CCSER1: variants seen among roughly 807,000 people sequenced by gnomAD.
CCSER1 encodes the protein coiled-coil serine rich protein 1.
A neutral mutation model predicts 82.0 loss-of-function variants in CCSER1; 41 were observed. The ratio of observed to expected loss-of-function variants is 0.50; its 90% CI spans 0.39 to 0.65. The LOEUF (loss-of-function observed/expected upper bound fraction) is 0.65. Ranked by LOEUF, CCSER1 falls within the 30% of genes least tolerant of loss-of-function variation. CCSER1 has a pLI of 0.00. For missense variants in CCSER1, 1,119 were observed against 1,064.2 expected (o/e 1.05, Z -0.72); for synonymous variants, 414 against 383.9 (o/e 1.08, Z -0.92).
At chr4:91,366,726 C>T (rs1749641266) in intron 10 of CCSER1, among the ~76,000 whole-genome samples, 1 of 152,154 alleles carries the variant, frequency 6.6e-6, no homozygotes, top group East Asian at 1.9e-4. Context: ...CTTGCATTTG[C>T]ATGTCCTTTC....
chr4:91,059,098 T>C (rs1187557761), intron 9 of CCSER1, among the ~76,000 whole-genome samples: 2 of 152,016 alleles, frequency 1.3e-5, no homozygotes, highest in African/African-American at 2.4e-5. Flanking sequence ...TGAAAGAATA[T>C]TATGTCACTT....
chr4:91,275,421 G>A (rs1197131399), intron 10 of CCSER1, among the ~76,000 whole-genome samples: 6 of 151,898 alleles, frequency 4.0e-5, no homozygotes, highest in East Asian at 1.9e-4. Context: ...CTGATGATTC[G>A]TGATGTTGAG....
intron 3 of CCSER1, among the ~76,000 whole-genome samples, chr4:90,367,604 G>C (rs1428911381): frequency 6.6e-6 from 1 of 151,694 alleles, no homozygotes; most frequent in South Asian, 2.1e-4. Context: ...ATGCACAAAA[G>C]AAAGCAGAAT....
intron 1 of CCSER1, among the ~76,000 whole-genome samples, chr4:90,178,590 C>A (rs565283559): frequency 6.6e-6 from 1 of 151,946 alleles, no homozygotes; most frequent in South Asian, 2.1e-4. Flanking sequence ...TGTTAATGAG[C>A]GTGCTGGTTG....
intron 6 of CCSER1, chr4:90,683,214 A>G (rs1199035865): frequency 6.6e-6 from 1 of 152,154 alleles, no homozygotes; most frequent in Non-Finnish European, 1.5e-5. Context: ...GCTACTTGAG[A>G]AAGAAGAATC....
At chr4:91,537,155 C>G (rs1467847565) in intron 10 of CCSER1, among the ~76,000 whole-genome samples, 1 of 152,022 alleles carries the variant, frequency 6.6e-6, no homozygotes, top group African/African-American at 2.4e-5. Context: ...TAGTTTACAG[C>G]ATCCCTGTGA....
At chr4:91,597,158 G>A (rs533730675) in intron 10 of CCSER1, among the ~76,000 whole-genome samples, 147 of 151,998 alleles carry the variant, frequency 9.7e-4, no homozygotes, top group African/African-American at 3.3e-3. Flanking sequence ...TCAAGCAGAC[G>A]GCCTGTCCTA....
intron 1 of CCSER1, among the ~76,000 whole-genome samples, chr4:90,168,507 T>C (rs952107962): frequency 5.3e-5 from 8 of 152,200 alleles, no homozygotes; most frequent in African/African-American, 1.9e-4. Flanking sequence ...ATTTTAGCTT[T>C]TGTTACCATT....
chr4:91,046,689 TTTG>T (rs547912496), intron 9 of CCSER1, among the ~76,000 whole-genome samples: 32 of 151,710 alleles, frequency 2.1e-4, no homozygotes, highest in East Asian at 1.6e-3. Context: ...TAATATGTTT[TTTG>T]TTGTTGTTGT....
chr4:91,315,271 A>G (rs569701637), intron 10 of CCSER1, among the ~76,000 whole-genome samples: 7 of 152,002 alleles, frequency 4.6e-5, no homozygotes, highest in Admixed American at 1.3e-4. Context: ...ACGAGATGCA[A>G]ATGGAAGCCA....
intron 10 of CCSER1, among the ~76,000 whole-genome samples, chr4:91,423,006 G>A (rs1166334648): frequency 6.6e-6 from 1 of 152,096 alleles, no homozygotes; most frequent in Non-Finnish European, 1.5e-5. Context: ...TGAAAATTAA[G>A]ACATAATTCT....
intron 10 of CCSER1, among the ~76,000 whole-genome samples, chr4:91,329,681 CTT>C (rs565677670): frequency 1.5e-3 from 234 of 152,268 alleles, no homozygotes; most frequent in South Asian, 2.1e-3. Flanking sequence ...AGTCATCTCT[CTT>C]GTGTCTCTTC....
chr4:91,056,981 AG>A (rs1743508073), intron 9 of CCSER1, among the ~76,000 whole-genome samples: 1 of 152,220 alleles, frequency 6.6e-6, no homozygotes, highest in African/African-American at 2.4e-5. Context: ...TAAATCACCA[AG>A]AATTCCTTTC....
intron 7 of CCSER1, among the ~76,000 whole-genome samples, chr4:90,775,548 G>C (rs974727597): frequency 6.6e-6 from 1 of 152,092 alleles, no homozygotes; most frequent in South Asian, 2.1e-4. Context: ...TTTAAATGCA[G>C]CAGTTTCTGT....
chr4:91,367,799 C>T (rs534992477), intron 10 of CCSER1, among the ~76,000 whole-genome samples: 2 of 152,286 alleles, frequency 1.3e-5, no homozygotes, highest in East Asian at 3.9e-4. Flanking sequence ...GCCATCCCAT[C>T]TGTTTTTTGG....
At chr4:90,714,361 G>T (rs753535127) in intron 6 of CCSER1, among the ~76,000 whole-genome samples, 1 of 151,806 alleles carries the variant, frequency 6.6e-6, no homozygotes, top group Non-Finnish European at 1.5e-5. Context: ...ATAGTATCTT[G>T]TTCATTATAG....
intron 7 of CCSER1, among the ~76,000 whole-genome samples, chr4:90,756,052 C>G (rs1309486436): frequency 6.6e-6 from 1 of 152,014 alleles, no homozygotes; most frequent in African/African-American, 2.4e-5. Context: ...CATGGTGAAA[C>G]CTTTTCTGTA....
In CCSER1 at chr4:90,377,279, A is replaced by G. The variant is rs556643083; in HGVS notation, c.1510-22757A>G. Among the ~76,000 whole-genome samples the G allele has an allele frequency of 1.2e-4, 18 of 152,346 alleles. No individual in the cohort carries two copies. In the South Asian group the frequency reaches 2.9e-3, roughly 25 times the overall value. On this transcript the variant is annotated intron_variant, in intron 3 of 10. Transcript: ENST00000509176. ...TAAAATAATATTAATGTGTTGTTAA[A>G]GCTAATTTTCAGAGAGGGGATTCTA...
At chr4:90,879,642 GA>G (rs1720980056) in intron 8 of CCSER1, among the ~76,000 whole-genome samples, 1 of 149,364 alleles carries the variant, frequency 6.7e-6, no homozygotes, top group African/African-American at 2.5e-5. Flanking sequence ...GAAGAAAGAA[GA>G]AAGAGGAAGA....
Sources: allele counts gnomAD v4.1 joint callset (sites outside exome capture counted in the v4.1 genomes callset), GRCh38; gene constraint gnomAD v4.1.1; transcripts MANE v1.5; gene names NCBI Gene and HGNC (gene_info 2026-07-23, HGNC 2026-07-21).